Variants in TCF4 observed in about 807,000 individuals in gnomAD.
TCF4 encodes the protein SL3-3 enhancer factor 2.
TCF4 carries 3 observed loss-of-function variants against 82.1 expected under a neutral mutation model. The observed-to-expected ratio is 0.04, with a 90% CI of 0.02 to 0.09. The LOEUF (loss-of-function observed/expected upper bound fraction) is 0.09, where lower values mean the gene tolerates loss of function less well. Among genes scored for constraint, TCF4 ranks in the 10% least tolerant of loss-of-function variants. TCF4 has a pLI of 1.00. For missense variants in TCF4, 518 were observed against 852.7 expected (o/e 0.61, Z 4.89); for synonymous variants, 276 against 309.6 (o/e 0.89, Z 1.14).
At chr18:55,531,005 G>A (rs1433064548) in intron 3 of TCF4, among the ~76,000 whole-genome samples, 4 of 151,834 alleles carry the variant, frequency 2.6e-5, no homozygotes, top group African/African-American at 9.7e-5. Context: ...AGGCGGGAGT[G>A]CAGTGGTGTA....
At chr18:55,476,889 G>A (rs1001277951) in intron 3 of TCF4, among the ~76,000 whole-genome samples, 1 of 152,152 alleles carries the variant, frequency 6.6e-6, no homozygotes, top group African/African-American at 2.4e-5. Flanking sequence ...CATTGGCAAA[G>A]GTTTCTCTTA....
chr18:55,593,649 C>T (rs1365869184), intron 2 of TCF4, among the ~76,000 whole-genome samples: 1 of 152,120 alleles, frequency 6.6e-6, no homozygotes, highest in Non-Finnish European at 1.5e-5. Flanking sequence ...CTTCAAATTC[C>T]ATCCAGTTTG....
chr18:55,538,489 T>C (rs1485221795), intron 3 of TCF4, among the ~76,000 whole-genome samples: 2 of 152,200 alleles, frequency 1.3e-5, no homozygotes, highest in Admixed American at 6.5e-5. Flanking sequence ...ACACTGTAGT[T>C]GGGGCCTGAG....
At chr18:55,379,283 A>T (rs2091453785) in intron 6 of TCF4, among the ~76,000 whole-genome samples, 1 of 152,244 alleles carries the variant, frequency 6.6e-6, no homozygotes, top group South Asian at 2.1e-4. Context: ...CACATAATAC[A>T]GAACACAGAG....
chr18:55,443,804 G>T (rs562721961), intron 5 of TCF4, among the ~76,000 whole-genome samples: 1 of 152,140 alleles, frequency 6.6e-6, no homozygotes, highest in Non-Finnish European at 1.5e-5. Flanking sequence ...CAAAAATAGC[G>T]CCATTAACTC....
chr18:55,328,656 A>G (rs1036106496), intron 8 of TCF4, among the ~76,000 whole-genome samples: 2 of 152,166 alleles, frequency 1.3e-5, no homozygotes, highest in Admixed American at 6.5e-5. Flanking sequence ...AATTCCCAAA[A>G]AGTTAGAGGG....
At chr18:55,253,472 C>T (rs1441629480) in intron 15 of TCF4, among the ~76,000 whole-genome samples, 1 of 152,096 alleles carries the variant, frequency 6.6e-6, no homozygotes, top group African/African-American at 2.4e-5. Context: ...CATTCTCCAC[C>T]ACTCTGGTCA....
At chr18:55,437,583 GA>G (rs1161583586) in intron 5 of TCF4, among the ~76,000 whole-genome samples, 1 of 152,130 alleles carries the variant, frequency 6.6e-6, no homozygotes, top group Non-Finnish European at 1.5e-5. Context: ...TTGAGTTCAA[GA>G]AAAAATAACA....
At chr18:55,342,098 T>C (rs992460490) in intron 8 of TCF4, among the ~76,000 whole-genome samples, 3 of 152,202 alleles carry the variant, frequency 2.0e-5, no homozygotes, top group African/African-American at 7.2e-5. Context: ...TAAATGAACA[T>C]GCTTTTTTCC....
At chr18:55,558,854 G>C (rs150702270) in intron 3 of TCF4, among the ~76,000 whole-genome samples, 97 of 152,074 alleles carry the variant, frequency 6.4e-4, no homozygotes, top group African/African-American at 2.1e-3. Context: ...ATGCATTCTA[G>C]TACTCACTTT....
At chr18:55,377,669 T>A (rs1384602059) in intron 6 of TCF4, among the ~76,000 whole-genome samples, 1 of 152,240 alleles carries the variant, frequency 6.6e-6, no homozygotes, top group Non-Finnish European at 1.5e-5. Flanking sequence ...ATGTTACCAC[T>A]GTCCAGGGAC....
At chr18:55,459,198 C>A (rs985445314) in intron 5 of TCF4, among the ~76,000 whole-genome samples, 1 of 152,120 alleles carries the variant, frequency 6.6e-6, no homozygotes, top group African/African-American at 2.4e-5. Context: ...GATTTGCAGC[C>A]TAAACAACAA....
chr18:55,352,347 C>T (rs1246614590), intron 6 of TCF4, among the ~76,000 whole-genome samples: 1 of 152,020 alleles, frequency 6.6e-6, no homozygotes, highest in African/African-American at 2.4e-5. Flanking sequence ...CGCCATATAG[C>T]TAAATATCAT....
In TCF4 at chr18:55,522,634, G is replaced by A. The variant is rs994270641; in HGVS notation, c.146-58497C>T. 3.3e-5 allele frequency among the ~76,000 whole-genome samples: 5 copies of A among 152,082 alleles called. No homozygotes were observed. In the East Asian group the frequency reaches 7.7e-4, roughly 23 times the overall value. ...TAGAAAAATTGTCACTGATGTAGAC[G>A]ACAAACTTGAAAAGTTCTCTTACAA... On this transcript the variant is annotated intron_variant, in intron 3 of 19. Coordinates refer to ENST00000354452, the MANE Select transcript of TCF4 (RefSeq NM_001083962.2).
chr18:55,257,451 T>C, intron 13 of TCF4, 60 bp from the exon 14 acceptor site: 1 of 1,529,668 alleles, frequency 6.5e-7, no homozygotes, highest in South Asian at 1.1e-5. Context: ...CGCTTGCCAA[T>C]ATTTTAAACA....
chr18:55,326,401 C>CAAA lies in TCF4; in HGVS notation c.549+23955_549+23957dup, dbSNP rs59228811. Among the ~76,000 whole-genome samples the CAAA allele has an allele frequency of 2.0e-3, 53 of 26,354 alleles. 2 individuals are homozygous for CAAA. The highest frequency in any genetic ancestry group is 3.6e-3 in the African/African-American group (28 of 7,790). The allele number at this position is 26,354 out of a possible 152,430, so 17.3% of individuals were successfully genotyped here. ...GCAAGAGTGCCTTAAAGAGCAGCAG[C>CAAA]AAAAAAAAAAAAAAAAAAAAAAAAA... On this transcript the variant is annotated intron_variant, in intron 8 of 19. Transcript: ENST00000354452.
chr18:55,333,291 T>C (rs1243437378), intron 8 of TCF4, among the ~76,000 whole-genome samples: 1 of 152,180 alleles, frequency 6.6e-6, no homozygotes, highest in East Asian at 1.9e-4. Flanking sequence ...CAGAGTTGTC[T>C]GTAAAGATGC....
intron 6 of TCF4, among the ~76,000 whole-genome samples, chr18:55,399,295 A>T (rs1365164068): frequency 6.6e-6 from 1 of 152,232 alleles, no homozygotes; most frequent in African/African-American, 2.4e-5. Context: ...GCCTATGGGC[A>T]AACTAAGAAA....
intron 8 of TCF4, among the ~76,000 whole-genome samples, chr18:55,285,991 T>C (rs910178495): frequency 6.6e-6 from 1 of 152,236 alleles, no homozygotes; most frequent in Non-Finnish European, 1.5e-5. Context: ...TCTAACCATC[T>C]GCCAAAATAC....
Sources: allele counts gnomAD v4.1 joint callset (sites outside exome capture counted in the v4.1 genomes callset), GRCh38; gene constraint gnomAD v4.1.1; transcripts MANE v1.5; gene names NCBI Gene and HGNC (gene_info 2026-07-23, HGNC 2026-07-21).